The following REV3L variants were observed in gnomAD, a reference collection of about 807,000 sequenced individuals.
The protein encoded by REV3L is DNA polymerase zeta catalytic subunit.
REV3L carries 69 observed loss-of-function variants against 299.4 expected under a neutral mutation model. The observed-to-expected ratio is 0.23, with a 90% CI of 0.19 to 0.28. The LOEUF (loss-of-function observed/expected upper bound fraction) is 0.28. REV3L is among the 10% of genes least tolerant of loss of function. The pLI, the probability that REV3L is intolerant of heterozygous loss-of-function variation, is 1.00. For synonymous variants in REV3L, 1,238 were observed against 1,271.4 expected, an observed-to-expected ratio of 0.97 and a Z score of 0.56; for missense variants, 3,128 against 3,693.8, an observed-to-expected ratio of 0.85 and a Z score of 3.97.
Position 111,311,150 on chromosome 6 carries a change from T to C in REV3L, c.8714A>G (p.Gln2905Arg). Residue 2905 changes from glutamine (Q) to arginine (R), a missense_variant, in exon 29 of 32, where the codon CAA (glutamine) becomes CGA (arginine). By Grantham distance (43) the Gln-to-Arg change is conservative. This residue lies in a region of REV3L where 294 missense variants were observed against 377.0 expected (regional missense o/e 0.78). Coordinates refer to ENST00000368802, the MANE Select transcript of REV3L (RefSeq NM_001372078.1). ...GTATTCCTTGGCAAAGATAAAGTCT[T>C]GTATGCTGGCCTTTCCTTCCAGAAG... ...MKLLEGKASI[Q>R]DFIFAKEYRG... The C allele has an allele frequency of 6.2e-7, 1 of 1,614,142 alleles. No individual in the cohort carries two copies. The highest frequency in any genetic ancestry group is 8.5e-7 in the Non-Finnish European group (1 of 1,179,992).
intron 9 of REV3L, among the ~76,000 whole-genome samples, chr6:111,385,382 T>C (rs1228070533): frequency 2.6e-5 from 4 of 152,128 alleles, no homozygotes; most frequent in Non-Finnish European, 5.9e-5. Context: ...ATGTCTACTA[T>C]GTACCCACAA....
At chr6:111,440,599 C>T (rs1171769415) in intron 1 of REV3L, among the ~76,000 whole-genome samples, 1 of 152,132 alleles carries the variant, frequency 6.6e-6, no homozygotes, top group Non-Finnish European at 1.5e-5. Flanking sequence ...GAATGCATTA[C>T]TGCTATTATT....
At chr6:111,466,998 T>C (rs2128332834) in intron 1 of REV3L, among the ~76,000 whole-genome samples, 1 of 152,288 alleles carries the variant, frequency 6.6e-6, no homozygotes, top group Admixed American at 6.5e-5. Flanking sequence ...AAGCAGACGC[T>C]AAAGAATACA....
intron 3 of REV3L, among the ~76,000 whole-genome samples, chr6:111,407,467 G>C (rs1008192704): frequency 5.9e-5 from 9 of 152,162 alleles, no homozygotes; most frequent in South Asian, 2.1e-4. Flanking sequence ...AGAAAAACTA[G>C]AGGTGGTATA....
In REV3L at chr6:111,372,743, G is replaced by A. The variant is rs756702590; in HGVS notation, c.5612C>T (p.Thr1871Ile). The A allele has an allele frequency of 1.2e-6, 2 of 1,612,224 alleles. No individual in the cohort carries two copies. The highest frequency in any genetic ancestry group is 1.1e-5 in the South Asian group (1 of 90,500). ...TTTCAGAATGTTAGCAGTTCGAGGGGTGAAGCTGCCATTTTTAGATTGTGA... is the reference window on the plus strand; with the variant it reads ...TTTCAGAATGTTAGCAGTTCGAGGGATGAAGCTGCCATTTTTAGATTGTGA... ...SPSQSKNGSFTPRTANILKPL... is the reference protein window; with the variant it reads ...SPSQSKNGSFIPRTANILKPL... Residue 1871 changes from threonine to isoleucine, a missense_variant, in exon 13 of 32, where the codon ACC (threonine) becomes ATC (isoleucine). By Grantham distance (89) the Thr-to-Ile change is moderately conservative. Transcript: ENST00000368802.
In REV3L at chr6:111,375,054, G is replaced by A. The variant is rs461646; in HGVS notation, c.3301C>T (p.Leu1101=). The part of the protein sequence containing the change: ...SYNAETEDCD[L]NYSDVMSKLG... ...TTAGACATAACATCACTATAATTCA[G>A]GTCACAATCTTCGGTTTCAGCATTG... Residue 1101 remains leucine (L), a synonymous_variant, in exon 13 of 32, where the codon CTG becomes TTG. Coordinates refer to ENST00000368802, the MANE Select transcript of REV3L (RefSeq NM_001372078.1). The A allele has an allele frequency of 0.77, 1,240,611 of 1,613,402 alleles. 486,896 individuals carry two copies. Among genetic ancestry groups the A allele is most frequent in the Non-Finnish European group, 0.82 (962,481 of 1,179,740 alleles).
chr6:111,415,698 C>T (rs1242536350), intron 2 of REV3L, among the ~76,000 whole-genome samples: 4 of 152,050 alleles, frequency 2.6e-5, no homozygotes, highest in African/African-American at 9.7e-5. Context: ...TGTTCCTACT[C>T]CCTTACCTCC....
intron 1 of REV3L, among the ~76,000 whole-genome samples, chr6:111,447,182 T>C (rs1021300077): frequency 1.3e-5 from 2 of 152,232 alleles, no homozygotes; most frequent in Non-Finnish European, 2.9e-5. Flanking sequence ...ACCTGATGGT[T>C]TGCAAAAGAC....
At chr6:111,387,950 A>G (rs751920421) in intron 8 of REV3L, 37 bp from the exon 9 acceptor site, 11 of 1,607,804 alleles carry the variant, frequency 6.8e-6, no homozygotes, top group South Asian at 5.5e-5. Flanking sequence ...AACAGACTAC[A>G]TAACAAAGGA....
intron 3 of REV3L, among the ~76,000 whole-genome samples, chr6:111,410,037 T>C (rs1283982482): frequency 1.3e-5 from 2 of 152,128 alleles, no homozygotes; most frequent in Non-Finnish European, 2.9e-5. Flanking sequence ...TTTGCAAATA[T>C]TTATTAAACA....
intron 1 of REV3L, among the ~76,000 whole-genome samples, chr6:111,451,433 G>T (rs545073850): frequency 3.3e-5 from 5 of 152,088 alleles, no homozygotes; most frequent in Non-Finnish European, 7.4e-5. Flanking sequence ...CTCAGAAAAT[G>T]ACTGAAAGAG....
chr6:111,372,712 A>T lies in REV3L; in HGVS notation c.5643T>A (p.Leu1881=). 6.2e-7 allele frequency: 1 copy of T among 1,609,504 alleles called. No homozygotes were observed. Among genetic ancestry groups the T allele is most frequent in the Non-Finnish European group, 8.5e-7 (1 of 1,177,992 alleles). The change falls in exon 13 of 32, where the codon CTT becomes CTA. Residue 1881 remains leucine, a synonymous_variant. Coordinates refer to ENST00000368802, the MANE Select transcript of REV3L (RefSeq NM_001372078.1). The stretch of plus-strand genomic sequence containing the variant: ...TTTCTTCCCTACTTGGGGGGGACAT[A>T]AGTGGTTTCAGAATGTTAGCAGTTC... ...TPRTANILKP[L]MSPPSREEIM...
At chr6:111,455,627 A>G (rs1227133841) in intron 1 of REV3L, among the ~76,000 whole-genome samples, 1 of 152,220 alleles carries the variant, frequency 6.6e-6, no homozygotes, top group Non-Finnish European at 1.5e-5. Context: ...TGACACCTCA[A>G]TTAAAGTAGT....
In REV3L at chr6:111,375,421, A is replaced by G. The variant is rs1780198950; in HGVS notation, c.2934T>C (p.Tyr978=). Residue 978 remains tyrosine (Y), a synonymous_variant, in exon 13 of 32, where the codon TAT becomes TAC. Coordinates refer to ENST00000368802, the MANE Select transcript of REV3L (RefSeq NM_001372078.1). ...TCCCTCTAAATCTATTAATAATAAT[A>G]TACTTTATGATGACAGGGGGCAGCT... The part of the protein sequence containing the change: ...SKKLPPVIIK[Y]IIINRFRGRK... 6.3e-7 allele frequency: 1 copy of G among 1,598,338 alleles called. No individual in the cohort carries two copies. The highest frequency in any genetic ancestry group is 1.8e-5 in the Admixed American group (1 of 56,776).
chr6:111,379,899 T>C, intron 11 of REV3L, 83 bp downstream of exon 11: 1 of 860,592 alleles, frequency 1.2e-6, no homozygotes, highest in Non-Finnish European at 1.9e-6. Flanking sequence ...TTTTATATCA[T>C]GAACAATAGT....
chr6:111,315,491 C>A, intron 26 of REV3L, 110 bp from the exon 27 acceptor site: 1 of 719,320 alleles, frequency 1.4e-6, no homozygotes, highest in South Asian at 1.8e-5. Context: ...AGAAAACTCC[C>A]TTTCTCCTAT....
chr6:111,451,098 T>C (rs1789484610), intron 1 of REV3L, among the ~76,000 whole-genome samples: 1 of 152,132 alleles, frequency 6.6e-6, no homozygotes, highest in Non-Finnish European at 1.5e-5. Flanking sequence ...AGCTGGGTGT[T>C]AGTTAAGTTC....
chr6:111,442,224 T>A (rs1788350605), intron 1 of REV3L, among the ~76,000 whole-genome samples: 1 of 152,250 alleles, frequency 6.6e-6, no homozygotes, highest in African/African-American at 2.4e-5. Flanking sequence ...TCTACCCACT[T>A]GTTTCACCAA....
At chr6:111,314,849 C>CTTTT (rs398066168) in intron 27 of REV3L, among the ~76,000 whole-genome samples, 1 of 132,600 alleles carries the variant, frequency 7.5e-6, no homozygotes, top group South Asian at 2.4e-4. Flanking sequence ...TATTTAAATA[C>CTTTT]TTTTTTTTTT....
Sources: allele counts gnomAD v4.1 joint callset (sites outside exome capture counted in the v4.1 genomes callset), GRCh38; gene constraint gnomAD v4.1.1; regional missense constraint gnomAD v4.1.1; transcripts MANE v1.5; gene names NCBI Gene and HGNC (gene_info 2026-07-23, HGNC 2026-07-21).